STK3: variants seen among roughly 807,000 people sequenced by gnomAD.
STK3 encodes the protein serine/threonine-protein kinase 3.
Under a neutral mutation model 58.0 loss-of-function variants are expected in STK3, and 41 were observed. The observed-to-expected ratio is 0.71, with a 90% CI of 0.55 to 0.92. The LOEUF (loss-of-function observed/expected upper bound fraction) is 0.92, where lower values mean the gene tolerates loss of function less well. Ranked by LOEUF, STK3 falls within the 40% of genes least tolerant of loss-of-function variation. The pLI is 0.00. For synonymous variants in STK3, 170 were observed against 191.0 expected, an observed-to-expected ratio of 0.89 and a Z score of 0.91; for missense variants, 479 against 602.7, an observed-to-expected ratio of 0.79 and a Z score of 2.15.
intron 10 of STK3, among the ~76,000 whole-genome samples, chr8:98,522,959 G>A (rs1452021116): frequency 1.3e-5 from 2 of 152,044 alleles, no homozygotes; most frequent in Non-Finnish European, 2.9e-5. Flanking sequence ...GGACACTTGG[G>A]TTGCTTCTAC....
intron 7 of STK3, among the ~76,000 whole-genome samples, chr8:98,584,988 G>T (rs978109266): frequency 6.7e-6 from 1 of 149,962 alleles, no homozygotes; most frequent in Non-Finnish European, 1.5e-5. Context: ...GTAGATTCTG[G>T]ATATTAGCCC....
intron 3 of STK3, among the ~76,000 whole-genome samples, chr8:98,864,990 A>G (rs1020997145): frequency 6.6e-6 from 1 of 152,198 alleles, no homozygotes; most frequent in Non-Finnish European, 1.5e-5. Context: ...TTCAGCTCTC[A>G]TCCCACTTTA....
intron 8 of STK3, among the ~76,000 whole-genome samples, chr8:98,551,726 C>T (rs1026343610): frequency 1.3e-5 from 2 of 152,116 alleles, no homozygotes; most frequent in Admixed American, 1.3e-4. Flanking sequence ...CTTTAAAAAC[C>T]TTTGTCTTCC....
chr8:98,521,094 CT>C (rs1338632829), intron 10 of STK3, among the ~76,000 whole-genome samples: 2 of 152,156 alleles, frequency 1.3e-5, no homozygotes, highest in African/African-American at 4.8e-5. Flanking sequence ...ACATTTTCCA[CT>C]TTCCTCAAAG....
At chr8:98,578,544 T>C (rs1813594476) in intron 8 of STK3, among the ~76,000 whole-genome samples, 1 of 152,108 alleles carries the variant, frequency 6.6e-6, no homozygotes, top group African/African-American at 2.4e-5. Flanking sequence ...GTTTTATAAT[T>C]GGTAAAAAGA....
intron 4 of STK3, among the ~76,000 whole-genome samples, chr8:98,715,458 A>G (rs1037111624): frequency 4.6e-5 from 7 of 152,166 alleles, no homozygotes; most frequent in South Asian, 4.1e-4. Context: ...AACCCCATCA[A>G]AAAGTGGGCA....
chr8:98,885,678 G>T (rs1837962195), intron 1 of STK3, among the ~76,000 whole-genome samples: 1 of 152,208 alleles, frequency 6.6e-6, no homozygotes, highest in Admixed American at 6.5e-5. Flanking sequence ...AATCTCAGGT[G>T]ATCTGCCCGC....
chr8:98,355,356 G>A, the STK3 span, among the ~76,000 whole-genome samples: 1 of 152,166 alleles, frequency 6.6e-6, no homozygotes, highest in African/African-American at 2.4e-5. Context: ...GGCAGAAAAT[G>A]GCTTTGCCCA....
At chr8:98,856,134 G>A (rs182591867) in intron 3 of STK3, among the ~76,000 whole-genome samples, 2,160 of 121,212 alleles carry the variant, frequency 0.018, 27 homozygotes, top group South Asian at 0.042. Context: ...CAACTTGGGC[G>A]AAAAGAGAGA....
At chr8:98,894,403 C>T (rs1157265684) in intron 1 of STK3, among the ~76,000 whole-genome samples, 1 of 152,162 alleles carries the variant, frequency 6.6e-6, no homozygotes, top group African/African-American at 2.4e-5. Context: ...TCATTAATCT[C>T]CTAGTCACAT....
intron 6 of STK3, among the ~76,000 whole-genome samples, chr8:98,685,926 T>C (rs1417414723): frequency 1.3e-5 from 2 of 152,132 alleles, no homozygotes; most frequent in African/African-American, 4.8e-5. Flanking sequence ...AAGTATGTAA[T>C]GACAAAATAA....
chr8:98,868,744 GGA>G (rs1837239065), intron 3 of STK3, among the ~76,000 whole-genome samples: 1 of 152,012 alleles, frequency 6.6e-6, no homozygotes, highest in African/African-American at 2.4e-5. Flanking sequence ...CGACGCCGGC[GGA>G]TGGCTTGAGC....
rs113722460 is a variant in STK3 at position 98,862,253 on chromosome 8, C to T, written c.110+21394G>A. Among the ~76,000 whole-genome samples the T allele has an allele frequency of 4.1e-3, 621 of 152,288 alleles. 7 individuals are homozygous for T. Among genetic ancestry groups the T allele is most frequent in the African/African-American group, 0.014 (584 of 41,558 alleles). On this transcript the variant is annotated intron_variant, in intron 3 of 12. Transcript: ENST00000523601. ...AAACTCTGGAACTTCTGGAGTAATG[C>T]ATTTTCTCCCTTCTTAATGCAGGAA...
intron 7 of STK3, among the ~76,000 whole-genome samples, chr8:98,587,155 G>C (rs1045706908): frequency 1.4e-4 from 21 of 152,004 alleles, no homozygotes; most frequent in African/African-American, 5.1e-4. Context: ...GAATGTGTTT[G>C]CTCTGGCTTT....
intron 1 of STK3, among the ~76,000 whole-genome samples, chr8:98,775,931 A>C (rs1587587691): frequency 6.6e-6 from 1 of 152,246 alleles, no homozygotes; most frequent in African/African-American, 2.4e-5. Flanking sequence ...GGAACTATGA[A>C]TATTCAACAG....
chr8:98,547,722 C>T (rs12677183), intron 9 of STK3, among the ~76,000 whole-genome samples: 47,598 of 151,860 alleles, frequency 0.31, 7,804 homozygotes, highest in Admixed American at 0.43. Flanking sequence ...CAAATTAAGC[C>T]GTGGGTTAGC....
At chr8:98,790,258 T>C (rs1243994182) in intron 1 of STK3, among the ~76,000 whole-genome samples, 1 of 152,130 alleles carries the variant, frequency 6.6e-6, no homozygotes, top group Non-Finnish European at 1.5e-5. Flanking sequence ...CTGATTAACA[T>C]ATAAGTTAAA....
chr8:98,772,387 C>A (rs1244190423), intron 2 of STK3, among the ~76,000 whole-genome samples: 1 of 152,068 alleles, frequency 6.6e-6, no homozygotes, highest in Non-Finnish European at 1.5e-5. Context: ...TGAGTTTTCA[C>A]AGGATGTGCT....
chr8:98,540,292 T>TA (rs769388882), intron 9 of STK3, among the ~76,000 whole-genome samples: 3 of 152,308 alleles, frequency 2.0e-5, no homozygotes, highest in African/African-American at 4.8e-5. Flanking sequence ...TTTTAAATTT[T>TA]AAAAAACGTA....
Sources: gnomAD v4.1 joint callset for allele counts (sites outside exome capture counted in the v4.1 genomes callset) on GRCh38, gnomAD v4.1.1 for gene constraint, MANE v1.5 for transcripts, NCBI Gene and HGNC (gene_info 2026-07-23, HGNC 2026-07-21) for gene names.